Variants in PVT1 observed in about 807,000 individuals in gnomAD.
PVT1 encodes CXCR4/PVT1 fusion.
intron 2 of PVT1, among the ~76,000 whole-genome samples, chr8:127,852,854 C>T (rs984254773): frequency 6.6e-5 from 10 of 152,172 alleles, no homozygotes; most frequent in South Asian, 4.1e-4. Flanking sequence ...GTGGGGCCCT[C>T]GAGGTAGGCC....
chr8:128,073,977 G>A lies in PVT1; in HGVS notation n.1114+3616G>A, dbSNP rs150393774. Among the ~76,000 whole-genome samples the A allele has an allele frequency of 6.9e-3, 1,057 of 152,142 alleles. 5 individuals carry two copies. Among genetic ancestry groups the A allele is most frequent in the Non-Finnish European group, 0.011 (720 of 67,982 alleles). ...CCCTCCTGGGATGGAAGGTGTCCTTGTGCTAGTCATGAACCCAACAGAAAG... is the reference window on the plus strand; with the variant it reads ...CCCTCCTGGGATGGAAGGTGTCCTTATGCTAGTCATGAACCCAACAGAAAG... On this transcript the variant is annotated intron_variant and non_coding_transcript_variant, in intron 5 of 10. Coordinates refer to ENST00000651587, the Ensembl canonical transcript of PVT1.
At chr8:128,054,334 A>C (rs1473770292) in intron 4 of PVT1, among the ~76,000 whole-genome samples, 1 of 152,118 alleles carries the variant, frequency 6.6e-6, no homozygotes, top group Non-Finnish European at 1.5e-5. Flanking sequence ...AGTTGAAAGG[A>C]GGTTGCTATG....
intron 4 of PVT1, chr8:128,010,640 CT>C (rs1422891560): frequency 1.3e-5 from 2 of 152,166 alleles, no homozygotes; most frequent in African/African-American, 4.8e-5. Flanking sequence ...CAAATGGCCT[CT>C]GACTTTTAAG....
intron 3 of PVT1, among the ~76,000 whole-genome samples, chr8:127,936,577 G>A (rs371401568): frequency 1.4e-4 from 21 of 152,218 alleles, no homozygotes; most frequent in African/African-American, 5.1e-4. Flanking sequence ...GCATCCTACC[G>A]CTCCACTCCA....
intron 4 of PVT1, chr8:127,999,317 AATAC>A (rs1458412637): frequency 1.3e-5 from 2 of 152,314 alleles, no homozygotes; most frequent in South Asian, 2.1e-4. Flanking sequence ...AAAATAAATA[AATAC>A]ATAAATAAAT....
chr8:128,026,988 G>C (rs977622283), intron 4 of PVT1, among the ~76,000 whole-genome samples: 1 of 152,102 alleles, frequency 6.6e-6, no homozygotes, highest in Non-Finnish European at 1.5e-5. Context: ...TGCCTTCCTC[G>C]ATCTTCTTGA....
chr8:128,100,346 G>A (rs1243136661), intron 6 of PVT1, among the ~76,000 whole-genome samples: 1 of 152,176 alleles, frequency 6.6e-6, no homozygotes, highest in African/African-American at 2.4e-5. Flanking sequence ...GGAGATCGAT[G>A]CATCCAGTGT....
intron 4 of PVT1, among the ~76,000 whole-genome samples, chr8:128,046,701 C>G (rs1370386029): frequency 6.6e-6 from 1 of 152,216 alleles, no homozygotes; most frequent in African/African-American, 2.4e-5. Flanking sequence ...ACTCTCCATG[C>G]CACACTGCTC....
intron 2 of PVT1, among the ~76,000 whole-genome samples, chr8:127,823,653 C>T (rs1405832968): frequency 6.6e-6 from 1 of 152,144 alleles, no homozygotes; most frequent in East Asian, 1.9e-4. Flanking sequence ...AGCATGCCCC[C>T]TCTTGCCACT....
chr8:127,984,924 T>C (rs10112107), intron 3 of PVT1, among the ~76,000 whole-genome samples: 12,634 of 128,962 alleles, frequency 0.098, 1,516 homozygotes, highest in Non-Finnish European at 0.15. Flanking sequence ...TTTCTTTCTC[T>C]TTCTCTTTCT....
intron 2 of PVT1, among the ~76,000 whole-genome samples, chr8:127,872,211 C>A (rs540840219): frequency 2.0e-5 from 3 of 152,190 alleles, no homozygotes; most frequent in Non-Finnish European, 4.4e-5. Context: ...GTCAGGAGTT[C>A]AAGACCAGCC....
At chr8:127,803,776 A>G (rs1304994154) in intron 2 of PVT1, among the ~76,000 whole-genome samples, 2 of 148,874 alleles carry the variant, frequency 1.3e-5, no homozygotes, top group Non-Finnish European at 3.0e-5. Flanking sequence ...GCTGGAGTGC[A>G]GTGGTGAGAT....
At chr8:128,013,376 T>C (rs1275853337) in intron 4 of PVT1, among the ~76,000 whole-genome samples, 1 of 117,320 alleles carries the variant, frequency 8.5e-6, no homozygotes, top group East Asian at 2.7e-4. Context: ...GTATGTAAGA[T>C]ATTTTTCCTG....
chr8:128,015,035 G>T (rs1817355556), intron 4 of PVT1, among the ~76,000 whole-genome samples: 1 of 151,452 alleles, frequency 6.6e-6, no homozygotes, highest in East Asian at 1.9e-4. Flanking sequence ...CCTCACCTAA[G>T]AGAAAGAAAA....
intron 3 of PVT1, among the ~76,000 whole-genome samples, chr8:127,935,988 G>A (rs1816267911): frequency 6.6e-6 from 1 of 150,382 alleles, no homozygotes; most frequent in African/African-American, 2.5e-5. Context: ...AATGAGGAAT[G>A]GTCTTGAGGT....
At chr8:128,040,494 A>T (rs1813517712) in intron 4 of PVT1, among the ~76,000 whole-genome samples, 1 of 152,014 alleles carries the variant, frequency 6.6e-6, no homozygotes, top group African/African-American at 2.4e-5. Context: ...CATCCTACTG[A>T]TTCTGTTTTT....
intron 4 of PVT1, among the ~76,000 whole-genome samples, chr8:128,044,207 G>A (rs1325835432): frequency 4.1e-5 from 5 of 121,746 alleles, no homozygotes; most frequent in Admixed American, 9.0e-5. Flanking sequence ...CACCCACCTC[G>A]CACCTCCATC....
intron 2 of PVT1, among the ~76,000 whole-genome samples, chr8:127,798,704 C>CAAAAAAA (rs71300266): frequency 1.8e-5 from 2 of 110,480 alleles, no homozygotes; most frequent in Non-Finnish European, 3.4e-5. Flanking sequence ...ACTAAAAATA[C>CAAAAAAA]AAAAAAAAAA....
At chr8:127,891,279 A>G (rs932884503) in intron 3 of PVT1, among the ~76,000 whole-genome samples, 1 of 152,206 alleles carries the variant, frequency 6.6e-6, no homozygotes, top group Non-Finnish European at 1.5e-5. Flanking sequence ...TCCTTAAGAC[A>G]TTGTGTGGCA....
Sources: gnomAD v4.1 joint callset for allele counts (sites outside exome capture counted in the v4.1 genomes callset) on GRCh38, gnomAD v4.1.1 for gene constraint, MANE v1.5 for transcripts, NCBI Gene and HGNC (gene_info 2026-07-23, HGNC 2026-07-21) for gene names.